FAM124A: variants seen among roughly 807,000 people sequenced by gnomAD.
The protein encoded by FAM124A is family with sequence similarity 124 member A.
In FAM124A, 23 loss-of-function variants were observed where a neutral mutation model predicts 24.5. That is an observed-to-expected ratio of 0.94 (90% CI 0.68 to 1.33). The LOEUF (loss-of-function observed/expected upper bound fraction) is 1.33. Ranked by LOEUF, FAM124A falls within the 40% of genes most tolerant of loss-of-function variation. The pLI, the probability that FAM124A is intolerant of heterozygous loss-of-function variation, is 0.00. For missense variants in FAM124A, 623 were observed against 722.8 expected (o/e 0.86, Z 1.58); for synonymous variants, 287 against 314.7 (o/e 0.91, Z 0.93).
chr13:51,229,630 C>T (rs752758105), intron 1 of FAM124A, among the ~76,000 whole-genome samples: 15 of 152,116 alleles, frequency 9.9e-5, no homozygotes, highest in Non-Finnish European at 1.5e-4. Context: ...GAAATATCGC[C>T]ATTCTTATTG....
chr13:51,244,568 A>G (rs904489553), intron 2 of FAM124A, among the ~76,000 whole-genome samples: 2 of 152,196 alleles, frequency 1.3e-5, no homozygotes, highest in Non-Finnish European at 2.9e-5. Context: ...TTCTTTTGGA[A>G]TGAGAGATCT....
chr13:51,273,035 ACT>A (rs1426069996), intron 3 of FAM124A, among the ~76,000 whole-genome samples: 1 of 152,064 alleles, frequency 6.6e-6, no homozygotes, highest in Non-Finnish European at 1.5e-5. Context: ...TGTTTTTAAA[ACT>A]CTGTTTACAT....
chr13:51,222,624 G>A, intron 1 of FAM124A, 55 bp downstream of exon 1: 1 of 1,211,596 alleles, frequency 8.3e-7, no homozygotes, highest in South Asian at 4.1e-5. Flanking sequence ...GTTGCGCGGC[G>A]GCTCCTCCCC....
rs976881078 is a variant in FAM124A, at chr13:51,257,614, T to C, written c.834+5413T>C. ...CCAGATCTTCACCAAGGCCTACGGC[T>C]CTCTGGCTTTATTTATCTCTCATTT... On this transcript the variant is annotated intron_variant, in intron 3 of 3. Coordinates refer to ENST00000322475, the MANE Select transcript of FAM124A (RefSeq NM_001242312.2). Among the ~76,000 whole-genome samples the C allele has an allele frequency of 3.9e-5, 6 of 152,314 alleles. No individual in the cohort carries two copies. The East Asian group carries it at 1.2e-3, about 29-fold the overall frequency.
chr13:51,231,293 T>C, intron 1 of FAM124A, 55 bp from the exon 2 acceptor site: 1 of 1,608,266 alleles, frequency 6.2e-7, no homozygotes, highest in Non-Finnish European at 8.5e-7. Context: ...AAATTCTGGC[T>C]TGAATAAATC....
intron 3 of FAM124A, among the ~76,000 whole-genome samples, chr13:51,256,028 C>G (rs1308030614): frequency 6.6e-6 from 1 of 152,218 alleles, no homozygotes; most frequent in Non-Finnish European, 1.5e-5. Flanking sequence ...GGGTTGTGCA[C>G]TGTTCCTTTC....
rs1289261099 is a variant in FAM124A at position 51,282,551 on chromosome 13, C to A, written c.*1295C>A. The stretch of plus-strand genomic sequence containing the variant: ...GGCATCGGGGGCAGTGCCAAGCTGT[C>A]CCTGGATACTATTTACCTTTGAGGA... On this transcript the variant is annotated 3_prime_UTR_variant, in exon 4 of 4. Transcript: ENST00000322475. The A allele has an allele frequency of 5.3e-5, 8 of 152,242 alleles. No homozygotes were observed. The East Asian group carries it at 1.3e-3, about 26-fold the overall frequency. 9.4% of individuals were successfully genotyped at this position (152,242 alleles called of 1,614,324 possible). A position where few individuals can be genotyped will look rare whatever the true frequency, so the allele number is the denominator to read the frequency against.
chr13:51,280,417 C>T, intron 3 of FAM124A, 33 bp from the exon 4 acceptor site: 1 of 1,521,930 alleles, frequency 6.6e-7, no homozygotes. Context: ...AATTCCCATC[C>T]TGCACTAATG....
Position 51,239,630 on chromosome 13 carries a change from G to A in FAM124A, c.100+8251G>A, listed in dbSNP as rs576734053. 5.9e-5 allele frequency among the ~76,000 whole-genome samples: 9 copies of A among 152,170 alleles called. No individual in the cohort carries two copies. In the South Asian group the frequency reaches 6.2e-4, roughly 11 times the overall value. ...ATTGCCAAAAACATCTTTCTAATAG[G>A]TCTTTGTGCATATCCTTCCTTATTA... On this transcript the variant is annotated intron_variant, in intron 2 of 3. Transcript: ENST00000322475.
intron 2 of FAM124A, among the ~76,000 whole-genome samples, chr13:51,249,791 G>A (rs1002982589): frequency 6.6e-6 from 1 of 152,146 alleles, no homozygotes; most frequent in Admixed American, 6.6e-5. Flanking sequence ...TGATGTTTGT[G>A]TTTCCCCACT....
Position 51,281,698 on chromosome 13 carries a change from AC to A in FAM124A, c.*443del, listed in dbSNP as rs2137718799. The A allele has an allele frequency of 6.4e-6, 1 of 156,574 alleles. No individual in the cohort carries two copies. The highest frequency in any genetic ancestry group is 2.0e-4 in the South Asian group (1 of 4,988). 9.7% of individuals were successfully genotyped at this position (156,574 alleles called of 1,614,324 possible). Reference sequence around the variant, plus strand: ...TTGTATGAGGGATTACTGCATAATAACGTAACGCACACCTTACTGGATTCTC... The same window carrying A: ...TTGTATGAGGGATTACTGCATAATAAGTAACGCACACCTTACTGGATTCTC... On this transcript the variant is annotated 3_prime_UTR_variant, in exon 4 of 4. Transcript: ENST00000322475.
rs1954943635 is a variant in FAM124A, at chr13:51,281,912, T to G, written c.*656T>G. On this transcript the variant is annotated 3_prime_UTR_variant, in exon 4 of 4. Transcript: ENST00000322475. ...TAATGTGTTTCATAAAGATTTAGCATGAGTAACAGACTCTTGGTGCATTTA... is the reference window on the plus strand; with the variant it reads ...TAATGTGTTTCATAAAGATTTAGCAGGAGTAACAGACTCTTGGTGCATTTA... The G allele has an allele frequency of 6.6e-6, 1 of 152,250 alleles. No individual in the cohort carries two copies. Among genetic ancestry groups the G allele is most frequent in the African/African-American group, 2.4e-5 (1 of 41,468 alleles). 9.4% of individuals were successfully genotyped at this position (152,250 alleles called of 1,614,324 possible).
At chr13:51,279,145 C>T (rs1489284254) in intron 3 of FAM124A, among the ~76,000 whole-genome samples, 5 of 152,094 alleles carry the variant, frequency 3.3e-5, no homozygotes, top group African/African-American at 1.2e-4. Flanking sequence ...AAACATTGTC[C>T]CCCTCCCCCG....
At chr13:51,243,052 A>C (rs1331883396) in intron 2 of FAM124A, among the ~76,000 whole-genome samples, 1 of 152,200 alleles carries the variant, frequency 6.6e-6, no homozygotes, top group African/African-American at 2.4e-5. Flanking sequence ...CTGAGGAAGA[A>C]CCTTATGATC....
intron 2 of FAM124A, among the ~76,000 whole-genome samples, chr13:51,231,974 A>G (rs1954381935): frequency 6.6e-6 from 1 of 152,190 alleles, no homozygotes; most frequent in Admixed American, 6.5e-5. Context: ...ATTGATATAC[A>G]TATATATCAG....
At chr13:51,245,638 G>A (rs1954550747) in intron 2 of FAM124A, among the ~76,000 whole-genome samples, 1 of 152,206 alleles carries the variant, frequency 6.6e-6, no homozygotes, top group Non-Finnish European at 1.5e-5. Context: ...CGAGGATTGT[G>A]CCCTTGAGTA....
chr13:51,226,069 T>C (rs1443062204), intron 1 of FAM124A, among the ~76,000 whole-genome samples: 1 of 137,790 alleles, frequency 7.3e-6, no homozygotes, highest in Non-Finnish European at 1.5e-5. Context: ...CATGGCTCAC[T>C]GCAACCTCAA....
intron 3 of FAM124A, among the ~76,000 whole-genome samples, chr13:51,279,406 C>A (rs1264432189): frequency 2.6e-5 from 4 of 152,134 alleles, no homozygotes; most frequent in Non-Finnish European, 4.4e-5. Flanking sequence ...CAGTCAGAAC[C>A]CTTTTCTTAT....
At chr13:51,235,731 C>T (rs898516958) in intron 2 of FAM124A, among the ~76,000 whole-genome samples, 1 of 152,198 alleles carries the variant, frequency 6.6e-6, no homozygotes, top group Non-Finnish European at 1.5e-5. Flanking sequence ...CCAGCGATGG[C>T]AGGAATGCCT....
Sources: gnomAD v4.1 joint callset for allele counts (sites outside exome capture counted in the v4.1 genomes callset) on GRCh38, gnomAD v4.1.1 for gene constraint, MANE v1.5 for transcripts, NCBI Gene and HGNC (gene_info 2026-07-23, HGNC 2026-07-21) for gene names.